The following PPM1E variants were observed in gnomAD, a reference collection of about 807,000 sequenced individuals.
PPM1E encodes the protein protein phosphatase, Mg2+/Mn2+ dependent 1E, also known as protein phosphatase 1E.
A neutral mutation model predicts 65.9 loss-of-function variants in PPM1E; 20 were observed. The ratio of observed to expected loss-of-function variants is 0.30; its 90% CI spans 0.21 to 0.44. The LOEUF is 0.44. Among genes scored for constraint, PPM1E ranks in the 20% least tolerant of loss-of-function variants. The probability of loss-of-function intolerance (pLI) is 1.00; values close to 1 mark genes in which losing one functional copy is unlikely to be tolerated. For missense variants in PPM1E, 713 were observed against 953.1 expected, an observed-to-expected ratio of 0.75 and a Z score of 3.32; for synonymous variants, 352 against 374.9, an observed-to-expected ratio of 0.94 and a Z score of 0.70.
chr17:58,870,076 C>CGTCT (rs1334472534), intron 1 of PPM1E, among the ~76,000 whole-genome samples: 2 of 152,060 alleles, frequency 1.3e-5, no homozygotes, highest in African/African-American at 4.8e-5. Flanking sequence ...TTCTACTAGA[C>CGTCT]ACACAGGGTA....
chr17:58,983,458 C>T lies in PPM1E; in HGVS notation c.*2427C>T, dbSNP rs1340107479. The T allele has an allele frequency of 6.6e-6, 1 of 152,652 alleles. No homozygotes were observed. Among genetic ancestry groups the T allele is most frequent in the African/African-American group, 2.4e-5 (1 of 41,426 alleles). 9.5% of individuals were successfully genotyped at this position (152,652 alleles called of 1,614,324 possible). A position where few individuals can be genotyped will look rare whatever the true frequency, so the allele number is the denominator to read the frequency against. On this transcript the variant is annotated 3_prime_UTR_variant, in exon 7 of 7. Transcript: ENST00000308249. ...TGAAATGCAGTGTTCTCTCTTAACGCCACTGGTGATAGGAAGTAGTTCCCT... is the reference window on the plus strand; with the variant it reads ...TGAAATGCAGTGTTCTCTCTTAACGTCACTGGTGATAGGAAGTAGTTCCCT...
intron 1 of PPM1E, among the ~76,000 whole-genome samples, chr17:58,910,889 C>T (rs950464345): frequency 1.3e-5 from 2 of 152,132 alleles, no homozygotes; most frequent in Non-Finnish European, 2.9e-5. Flanking sequence ...GAAGAGGGTG[C>T]TCTGCCGCAT....
At chr17:58,957,014 G>A (rs1011396836) in intron 2 of PPM1E, among the ~76,000 whole-genome samples, 4 of 152,162 alleles carry the variant, frequency 2.6e-5, no homozygotes, top group African/African-American at 9.7e-5. Flanking sequence ...TTGTTCCAGA[G>A]TCAAGTTGGA....
At chr17:58,774,678 C>A (rs991016375) in intron 1 of PPM1E, among the ~76,000 whole-genome samples, 3 of 152,038 alleles carry the variant, frequency 2.0e-5, no homozygotes, top group African/African-American at 7.2e-5. Context: ...TCTGTAACAA[C>A]ACATTATATT....
intron 1 of PPM1E, among the ~76,000 whole-genome samples, chr17:58,892,591 A>G (rs1164104773): frequency 3.9e-5 from 6 of 152,146 alleles, no homozygotes; most frequent in Non-Finnish European, 8.8e-5. Context: ...AAATAATAAT[A>G]ATAAAATGAT....
intron 1 of PPM1E, among the ~76,000 whole-genome samples, chr17:58,779,315 G>T (rs1020585049): frequency 6.6e-6 from 1 of 151,618 alleles, no homozygotes; most frequent in African/African-American, 2.4e-5. Flanking sequence ...GGGATTATAG[G>T]CATGCACCAC....
intron 2 of PPM1E, among the ~76,000 whole-genome samples, chr17:58,958,378 T>G (rs2029918726): frequency 6.6e-6 from 1 of 151,818 alleles, no homozygotes; most frequent in Non-Finnish European, 1.5e-5. Flanking sequence ...GCTCGGCTAA[T>G]GTTTGTATTT....
chr17:58,942,168 T>A (rs557576054), intron 1 of PPM1E, among the ~76,000 whole-genome samples: 1 of 152,178 alleles, frequency 6.6e-6, no homozygotes, highest in Admixed American at 6.5e-5. Context: ...GGAAGATCGC[T>A]TGAGAGTAGG....
rs184152403 is a variant in PPM1E at position 58,958,832 on chromosome 17, A to T, written c.583+3065A>T. Among the ~76,000 whole-genome samples, 1,365 of 152,070 alleles carry T rather than the reference A, an allele frequency of 9.0e-3. 9 individuals are homozygous for T. The highest frequency in any genetic ancestry group is 0.013 in the Non-Finnish European group (863 of 67,964). On this transcript the variant is annotated intron_variant, in intron 2 of 6. Transcript: ENST00000308249. Reference sequence around the variant, plus strand: ...GCAGAGTCTCGCTCTTCCTTCAAGAATCTTCCTCCCAAAATGCTGGGATTA... The same window carrying T: ...GCAGAGTCTCGCTCTTCCTTCAAGATTCTTCCTCCCAAAATGCTGGGATTA...
chr17:58,836,936 C>T (rs2050664344), intron 1 of PPM1E, among the ~76,000 whole-genome samples: 2 of 146,928 alleles, frequency 1.4e-5, no homozygotes, highest in South Asian at 2.2e-4. Flanking sequence ...AGGAGAATGG[C>T]GTGAACCCGG....
Position 58,935,590 on chromosome 17 carries a change from A to G in PPM1E, c.465-20059A>G, listed in dbSNP as rs114244082. Among the ~76,000 whole-genome samples, 1,246 of 152,294 alleles carry G rather than the reference A, an allele frequency of 8.2e-3. 26 individuals carry two copies. Among genetic ancestry groups the G allele is most frequent in the African/African-American group, 0.028 (1,157 of 41,560 alleles). ...ATGTGCTATCTAATTTCTTCTCGTC[A>G]TGGAGAAAGGATGACAAGAAAGATA... On this transcript the variant is annotated intron_variant, in intron 1 of 6. Transcript: ENST00000308249.
chr17:58,894,783 CTT>C (rs1248440193), intron 1 of PPM1E, among the ~76,000 whole-genome samples: 1 of 151,848 alleles, frequency 6.6e-6, no homozygotes, highest in Non-Finnish European at 1.5e-5. Flanking sequence ...CTTTTTACAA[CTT>C]ATATTTTTTG....
chr17:58,901,140 C>G (rs540377688), intron 1 of PPM1E, among the ~76,000 whole-genome samples: 3 of 152,016 alleles, frequency 2.0e-5, no homozygotes, highest in Non-Finnish European at 4.4e-5. Flanking sequence ...TATTTTCCTG[C>G]GGTATGCTTA....
chr17:58,796,135 C>T (rs2050204019), intron 1 of PPM1E, among the ~76,000 whole-genome samples: 1 of 152,138 alleles, frequency 6.6e-6, no homozygotes, highest in African/African-American at 2.4e-5. Flanking sequence ...TCACTGCAGC[C>T]ATGAACTAAG....
At chr17:58,874,602 A>T (rs1376895151) in intron 1 of PPM1E, among the ~76,000 whole-genome samples, 1 of 152,192 alleles carries the variant, frequency 6.6e-6, no homozygotes, top group Non-Finnish European at 1.5e-5. Context: ...TAGATTCTGG[A>T]CCTCAAAGAT....
chr17:58,829,030 T>C (rs1382591244), intron 1 of PPM1E, among the ~76,000 whole-genome samples: 1 of 152,090 alleles, frequency 6.6e-6, no homozygotes, highest in Admixed American at 6.6e-5. Context: ...ATACTGTGTT[T>C]ACATTTTCTT....
intron 1 of PPM1E, among the ~76,000 whole-genome samples, chr17:58,886,698 A>G (rs538112706): frequency 6.6e-6 from 1 of 152,368 alleles, no homozygotes; most frequent in African/African-American, 2.4e-5. Context: ...CATACAGTGG[A>G]ATACTACTAA....
At chr17:58,960,164 ACTTT>A (rs1002796761) in intron 2 of PPM1E, among the ~76,000 whole-genome samples, 1 of 152,200 alleles carries the variant, frequency 6.6e-6, no homozygotes, top group African/African-American at 2.4e-5. Flanking sequence ...TCTCAGCTGT[ACTTT>A]CTTTCACTTT....
At chr17:58,776,256 G>GT (rs2049993341) in intron 1 of PPM1E, among the ~76,000 whole-genome samples, 1 of 152,110 alleles carries the variant, frequency 6.6e-6, no homozygotes, top group Non-Finnish European at 1.5e-5. Context: ...GAGCCCAGGA[G>GT]TTTGTGGTTG....
Sources: gnomAD v4.1 joint callset for allele counts (sites outside exome capture counted in the v4.1 genomes callset) on GRCh38, gnomAD v4.1.1 for gene constraint, MANE v1.5 for transcripts, NCBI Gene and HGNC (gene_info 2026-07-23, HGNC 2026-07-21) for gene names.